The following SEPTIN11 variants were observed in gnomAD, a reference collection of about 807,000 sequenced individuals.
SEPTIN11 encodes the protein septin-11.
A neutral mutation model predicts 51.4 loss-of-function variants in SEPTIN11; 25 were observed. The observed-to-expected ratio is 0.49, with a 90% CI of 0.35 to 0.68. SEPTIN11 has a LOEUF of 0.68. SEPTIN11 is among the 30% of genes least tolerant of loss of function. SEPTIN11 has a pLI of 0.00. For synonymous variants in SEPTIN11, 174 were observed against 184.1 expected (o/e 0.95, Z 0.44); for missense variants, 381 against 520.8 (o/e 0.73, Z 2.61).
intron 1 of SEPTIN11, among the ~76,000 whole-genome samples, chr4:76,950,182 C>A (rs904047): frequency 0.022 from 3,286 of 152,294 alleles, 97 homozygotes; most frequent in African/African-American, 0.074. Context: ...AAAAGGACCC[C>A]TCTCCTGTTC....
Position 77,035,234 on chromosome 4 carries a change from T to C in SEPTIN11, c.*722T>C. The C allele has an allele frequency of 1.0e-6, 1 of 985,366 alleles. No individual in the cohort carries two copies. Among genetic ancestry groups the C allele is most frequent in the Non-Finnish European group, 1.2e-6 (1 of 829,900 alleles). The allele number at this position is 985,366 out of a possible 1,614,324, so 61.0% of individuals were successfully genotyped here. A position where few individuals can be genotyped will look rare whatever the true frequency, so the allele number is the denominator to read the frequency against. On this transcript the variant is annotated 3_prime_UTR_variant, in exon 10 of 10. Coordinates refer to ENST00000264893, the MANE Select transcript of SEPTIN11 (RefSeq NM_018243.4). Reference sequence around the variant, plus strand: ...ACATTTACTGGTGCATCCTTGATCCTCTCACAGATAGAGGTCTTAAAGGTT... The same window carrying C: ...ACATTTACTGGTGCATCCTTGATCCCCTCACAGATAGAGGTCTTAAAGGTT...
chr4:77,016,657 C>CATATATATATATATATAT lies in SEPTIN11; in HGVS notation c.687+1641_687+1642insTATATATATATATATATA, dbSNP rs1560736525. 6.3e-3 allele frequency among the ~76,000 whole-genome samples: 499 copies of CATATATATATATATATAT among 79,100 alleles called. 20 individuals carry two copies. Among genetic ancestry groups the CATATATATATATATATAT allele is most frequent in the Non-Finnish European group, 8.2e-3 (347 of 42,234 alleles). 51.9% of individuals were successfully genotyped at this position (79,100 alleles called of 152,430 possible). On this transcript the variant is annotated intron_variant, in intron 5 of 9. Coordinates refer to ENST00000264893, the MANE Select transcript of SEPTIN11 (RefSeq NM_018243.4). The stretch of plus-strand genomic sequence containing the variant: ...ACATATATATATATATATATATATA[C>CATATATATATATATATAT]ACATATATATATATATATGGCCAGG...
At position 77,037,859 on chromosome 4, in the gene SEPTIN11, G is replaced by A; in HGVS notation, c.*3347G>A. On this transcript the variant is annotated 3_prime_UTR_variant, in exon 10 of 10. Coordinates refer to ENST00000264893, the MANE Select transcript of SEPTIN11 (RefSeq NM_018243.4). ...TGGGAATTATTTAATGTAACAGTGGGCACAGATTACTTATCTTCCTTCTCT... is the reference window on the plus strand; with the variant it reads ...TGGGAATTATTTAATGTAACAGTGGACACAGATTACTTATCTTCCTTCTCT... The A allele has an allele frequency of 1.0e-6, 1 of 985,864 alleles. No homozygotes were observed. Among genetic ancestry groups the A allele is most frequent in the Non-Finnish European group, 1.2e-6 (1 of 829,938 alleles). 61.1% of individuals were successfully genotyped at this position (985,864 alleles called of 1,614,324 possible).
chr4:76,955,539 G>C (rs2109878072), intron 1 of SEPTIN11, among the ~76,000 whole-genome samples: 1 of 152,314 alleles, frequency 6.6e-6, no homozygotes, highest in South Asian at 2.1e-4. Flanking sequence ...TTCTTTATAG[G>C]CATGTATTTA....
In SEPTIN11 at chr4:77,038,031, C is replaced by T. The variant is rs1727152262; in HGVS notation, c.*3519C>T. 1 of 985,868 alleles carries T rather than the reference C, an allele frequency of 1.0e-6. No homozygotes were observed. Among genetic ancestry groups the T allele is most frequent in the African/African-American group, 1.7e-5 (1 of 57,362 alleles). 61.1% of individuals were successfully genotyped at this position (985,868 alleles called of 1,614,324 possible). A position where few individuals can be genotyped will look rare whatever the true frequency, so the allele number is the denominator to read the frequency against. On this transcript the variant is annotated 3_prime_UTR_variant, in exon 10 of 10. Transcript: ENST00000264893. Reference sequence around the variant, plus strand: ...AGGTTTTTCAGCTGTTACCGACCCACGTCCTGCTGTCTCTGTGTGGTCCTA... The same window carrying T: ...AGGTTTTTCAGCTGTTACCGACCCATGTCCTGCTGTCTCTGTGTGGTCCTA...
chr4:76,979,233 A>G (rs1460749679), intron 1 of SEPTIN11, among the ~76,000 whole-genome samples: 2 of 152,228 alleles, frequency 1.3e-5, no homozygotes, highest in Non-Finnish European at 2.9e-5. Context: ...TAGATGCAAG[A>G]TGTGACCAAG....
intron 1 of SEPTIN11, among the ~76,000 whole-genome samples, chr4:76,971,810 T>C (rs921266458): frequency 3.3e-5 from 5 of 152,230 alleles, no homozygotes; most frequent in Admixed American, 2.0e-4. Context: ...GAGCTATTCA[T>C]TGATACACTG....
In SEPTIN11 at chr4:77,030,846, A is replaced by C; in HGVS notation, c.1150A>C (p.Lys384Gln). 1 of 1,612,772 alleles carries C rather than the reference A, an allele frequency of 6.2e-7. No individual in the cohort carries two copies. Among genetic ancestry groups the C allele is most frequent in the Non-Finnish European group, 8.5e-7 (1 of 1,179,766 alleles). Residue 384 changes from lysine to glutamine, a missense_variant, in exon 9 of 10, where the codon AAG becomes CAG. Lys to Gln is a moderately conservative substitution (Grantham distance 53). This residue lies in a region of SEPTIN11 where 197 missense variants were observed against 313.1 expected (regional missense o/e 0.63). Coordinates refer to ENST00000264893, the MANE Select transcript of SEPTIN11 (RefSeq NM_018243.4). The stretch of plus-strand genomic sequence containing the variant: ...AGAAGAAAAGAAGAAAGTGGAAGAC[A>C]AGAAGAAGGAGCTTGAGGAGGAGGT... Reference protein sequence around the residue: ...HQEEKKKVEDKKKELEEEVNN... With the variant: ...HQEEKKKVEDQKKELEEEVNN...
At chr4:77,030,055 G>A (rs1316292561) in intron 8 of SEPTIN11, among the ~76,000 whole-genome samples, 6 of 150,558 alleles carry the variant, frequency 4.0e-5, no homozygotes, top group Non-Finnish European at 5.9e-5. Context: ...TCAGGAGTTC[G>A]AGACCAGCCT....
rs540402042 is a variant in SEPTIN11 at position 77,009,867 on chromosome 4, A to G, written c.339-1868A>G. 4 of 152,374 alleles carry G rather than the reference A, an allele frequency of 2.6e-5. No individual in the cohort carries two copies. The East Asian group carries it at 7.7e-4, about 29-fold the overall frequency. The allele number at this position is 152,374 out of a possible 1,614,324, so 9.4% of individuals were successfully genotyped here. On this transcript the variant is annotated intron_variant, in intron 3 of 9. Coordinates refer to ENST00000264893, the MANE Select transcript of SEPTIN11 (RefSeq NM_018243.4). ...TGCCTCAGTGTCAGGAGACAGAAGGATCAGCCCCAGACTCAAAGGGCAAAG... is the reference window on the plus strand; with the variant it reads ...TGCCTCAGTGTCAGGAGACAGAAGGGTCAGCCCCAGACTCAAAGGGCAAAG...
chr4:77,037,360 A>G lies in SEPTIN11; in HGVS notation c.*2848A>G. On this transcript the variant is annotated 3_prime_UTR_variant, in exon 10 of 10. Coordinates refer to ENST00000264893, the MANE Select transcript of SEPTIN11 (RefSeq NM_018243.4). Reference sequence around the variant, plus strand: ...CTGGGTGATGAAGTGAGACTCTCCAAAAAAAAAAAAGAAATTATTAATCCC... The same window carrying G: ...CTGGGTGATGAAGTGAGACTCTCCAGAAAAAAAAAAGAAATTATTAATCCC... The G allele has an allele frequency of 3.3e-6, 3 of 914,934 alleles. No homozygotes were observed. Among genetic ancestry groups the G allele is most frequent in the Non-Finnish European group, 3.9e-6 (3 of 766,944 alleles). The allele number at this position is 914,934 out of a possible 1,614,324, so 56.7% of individuals were successfully genotyped here. A position where few individuals can be genotyped will look rare whatever the true frequency, so the allele number is the denominator to read the frequency against.
intron 7 of SEPTIN11, among the ~76,000 whole-genome samples, chr4:77,027,959 A>AC (rs1726299772): frequency 7.0e-6 from 1 of 142,830 alleles, no homozygotes; most frequent in African/African-American, 2.9e-5. Flanking sequence ...AACTGGTAAT[A>AC]TACTTGAAAA....
chr4:76,953,403 G>T (rs1721426781), intron 1 of SEPTIN11, among the ~76,000 whole-genome samples: 1 of 152,238 alleles, frequency 6.6e-6, no homozygotes, highest in Admixed American at 6.5e-5. Flanking sequence ...TGATTCAGGT[G>T]AAGGATCATA....
chr4:76,949,833 C>G lies in SEPTIN11; in HGVS notation c.-71C>G. 1 of 1,475,756 alleles carries G rather than the reference C, an allele frequency of 6.8e-7. No individual in the cohort carries two copies. The highest frequency in any genetic ancestry group is 1.2e-5 in the South Asian group (1 of 80,822). 91.4% of individuals were successfully genotyped at this position (1,475,756 alleles called of 1,614,324 possible). On this transcript the variant is annotated 5_prime_UTR_variant, in exon 1 of 10. Transcript: ENST00000264893. ...GAGGCGCGAGGGAGGCGAGCCGGAG[C>G]CCGAGCACTAGCAGCAGCCGGAGTC...
chr4:76,974,864 T>C, intron 1 of SEPTIN11: 1 of 456,614 alleles, frequency 2.2e-6, no homozygotes, highest in East Asian at 6.9e-5. Context: ...GGCTCATGCC[T>C]GTAATCCCAA....
intron 1 of SEPTIN11, chr4:76,959,253 GT>G (rs369576947): frequency 1.3e-3 from 178 of 135,926 alleles, no homozygotes; most frequent in East Asian, 2.1e-3. Context: ...ACAAGACAAG[GT>G]TTTTTTTTTT....
intron 2 of SEPTIN11, among the ~76,000 whole-genome samples, chr4:76,996,944 A>T (rs1723770665): frequency 7.3e-6 from 1 of 136,966 alleles, no homozygotes; most frequent in Admixed American, 8.1e-5. Flanking sequence ...CAGTGGGGCG[A>T]TCTTGGCTCA....
intron 2 of SEPTIN11, among the ~76,000 whole-genome samples, chr4:77,003,785 A>C (rs750102359): frequency 6.6e-6 from 1 of 152,188 alleles, no homozygotes; most frequent in Non-Finnish European, 1.5e-5. Context: ...AGATTTTGTC[A>C]TTATAGTGGG....
intron 2 of SEPTIN11, among the ~76,000 whole-genome samples, chr4:77,002,766 G>GTTT (rs1368936454): frequency 7.0e-6 from 1 of 143,532 alleles, no homozygotes; most frequent in African/African-American, 2.5e-5. Context: ...TTTATGGAGG[G>GTTT]TTTTTTTTTT....
Sources: allele counts gnomAD v4.1 joint callset (sites outside exome capture counted in the v4.1 genomes callset), GRCh38; gene constraint gnomAD v4.1.1; regional missense constraint gnomAD v4.1.1; transcripts MANE v1.5; gene names NCBI Gene and HGNC (gene_info 2026-07-23, HGNC 2026-07-21).